CFHR4: variants seen among roughly 807,000 people sequenced by gnomAD.
CFHR4 encodes the protein complement factor H related 4, also known as complement factor H-related protein 4.
Under a neutral mutation model 69.3 loss-of-function variants are expected in CFHR4, and 64 were observed. The ratio of observed to expected loss-of-function variants is 0.92; its 90% CI spans 0.76 to 1.14. The LOEUF is 1.14. CFHR4 is among the 50% of genes most tolerant of loss of function. The pLI, the probability that CFHR4 is intolerant of heterozygous loss-of-function variation, is 0.00. For missense variants in CFHR4, 636 were observed against 684.9 expected, an observed-to-expected ratio of 0.93 and a Z score of 0.80; for synonymous variants, 244 against 237.0, an observed-to-expected ratio of 1.03 and a Z score of -0.27.
intron 1 of CFHR4, among the ~76,000 whole-genome samples, chr1:196,899,301 C>T (rs888082364): frequency 3.3e-5 from 5 of 151,044 alleles, no homozygotes; most frequent in African/African-American, 9.8e-5. Flanking sequence ...AATGTTCTTT[C>T]CTCTTCTTTT....
intron 9 of CFHR4, among the ~76,000 whole-genome samples, chr1:196,915,445 G>C (rs1264895560): frequency 6.6e-6 from 1 of 151,324 alleles, no homozygotes; most frequent in African/African-American, 2.4e-5. Context: ...AGATCAGCCT[G>C]ACCAACATGG....
In CFHR4 at chr1:196,902,602, G is replaced by C; in HGVS notation, c.243G>C (p.Thr81=). ...IHCTQDGWSP[T]VPCLRTCSKS... ...GCACACAAGATGGTTGGTCACCAAC[G>C]GTCCCATGCCTCAGTAAGTAAACCT... is the stretch of plus-strand genomic sequence containing the variant. The change falls in exon 2 of 10, where the codon ACG becomes ACC. Residue 81 remains threonine (T), a synonymous_variant. Transcript: ENST00000608469. 3 of 1,610,036 alleles carry C rather than the reference G, an allele frequency of 1.9e-6. No individual in the cohort carries two copies. The highest frequency in any genetic ancestry group is 1.7e-6 in the Non-Finnish European group (2 of 1,177,472).
chr1:196,905,357 T>C, intron 3 of CFHR4, 67 bp downstream of exon 3: 1 of 1,580,690 alleles, frequency 6.3e-7, no homozygotes, highest in Non-Finnish European at 8.6e-7. Flanking sequence ...GTGATAGTGT[T>C]TTACAGAAAA....
chr1:196,913,034 A>G (rs760207874), intron 7 of CFHR4, 112 bp downstream of exon 7: 4 of 1,552,920 alleles, frequency 2.6e-6, no homozygotes, highest in Non-Finnish European at 3.5e-6. Context: ...AAGAGATACA[A>G]ATACTTCTAA....
chr1:196,908,778 C>T (rs771753759), intron 5 of CFHR4, among the ~76,000 whole-genome samples: 1 of 151,564 alleles, frequency 6.6e-6, no homozygotes, highest in Non-Finnish European at 1.5e-5. Context: ...AGCTCTTAAA[C>T]TGTAAACTCA....
At chr1:196,912,695 G>T (rs192437982) in intron 6 of CFHR4, 45 bp from the exon 7 acceptor site, 4 of 1,478,786 alleles carry the variant, frequency 2.7e-6, no homozygotes, top group Middle Eastern at 2.3e-4. Context: ...TATAAAAGAA[G>T]TATTCAACAA....
intron 1 of CFHR4, among the ~76,000 whole-genome samples, chr1:196,894,453 C>T (rs1026200461): frequency 3.3e-5 from 5 of 151,462 alleles, no homozygotes; most frequent in South Asian, 2.1e-4. Context: ...TCACTTTACC[C>T]TTCAGGACTC....
chr1:196,910,150 T>TAAAA, intron 5 of CFHR4, 131 bp from the exon 6 acceptor site: 5 of 422,708 alleles, frequency 1.2e-5, no homozygotes, highest in Non-Finnish European at 1.5e-5. Context: ...AAATTTCATC[T>TAAAA]AAAAAAAAAA....
intron 1 of CFHR4, among the ~76,000 whole-genome samples, chr1:196,894,132 G>A (rs1657166267): frequency 6.6e-6 from 1 of 151,388 alleles, no homozygotes; most frequent in African/African-American, 2.4e-5. Flanking sequence ...CTTTTCCGTT[G>A]TTAATGTCAC....
chr1:196,898,538 A>T (rs892988796), intron 1 of CFHR4, among the ~76,000 whole-genome samples: 2 of 151,618 alleles, frequency 1.3e-5, no homozygotes, highest in Non-Finnish European at 2.9e-5. Context: ...GTGTATATGA[A>T]TAGATATTTC....
chr1:196,908,386 G>A (rs1658030369), intron 5 of CFHR4, among the ~76,000 whole-genome samples: 1 of 151,484 alleles, frequency 6.6e-6, no homozygotes, highest in Admixed American at 6.6e-5. Flanking sequence ...AGTTAACACT[G>A]AGAAGTTCTT....
At chr1:196,898,275 A>C (rs1657415800) in intron 1 of CFHR4, among the ~76,000 whole-genome samples, 1 of 151,588 alleles carries the variant, frequency 6.6e-6, no homozygotes, top group East Asian at 1.9e-4. Flanking sequence ...ATGCACTAGT[A>C]GTGGGTGGGT....
chr1:196,892,362 G>A (rs1393534548), intron 1 of CFHR4, among the ~76,000 whole-genome samples: 1 of 151,546 alleles, frequency 6.6e-6, no homozygotes, highest in Non-Finnish European at 1.5e-5. Flanking sequence ...GAAGAAAATG[G>A]TTGAGAGAAG....
intron 1 of CFHR4, among the ~76,000 whole-genome samples, chr1:196,890,432 T>G (rs1225592274): frequency 5.3e-5 from 8 of 151,624 alleles, no homozygotes; most frequent in African/African-American, 1.9e-4. Flanking sequence ...TGACAGAAAA[T>G]TAGTAATTGT....
chr1:196,909,317 G>GA (rs752296889), intron 5 of CFHR4, among the ~76,000 whole-genome samples: 7 of 151,414 alleles, frequency 4.6e-5, no homozygotes, highest in Non-Finnish European at 8.8e-5. Context: ...CATTCAAGCA[G>GA]GGAATTCTAG....
chr1:196,905,977 G>A (rs1207102065), intron 3 of CFHR4, among the ~76,000 whole-genome samples: 1 of 151,402 alleles, frequency 6.6e-6, no homozygotes, highest in Non-Finnish European at 1.5e-5. Context: ...CCTTGCAGTG[G>A]CAAAAGTTTA....
rs1020346334 is a variant in CFHR4 at position 196,898,359 on chromosome 1, T to C, written c.59-4059T>C. 1.2e-4 allele frequency among the ~76,000 whole-genome samples: 18 copies of C among 151,542 alleles called. 1 individual carries two copies. The highest frequency in any genetic ancestry group is 6.2e-4 in the South Asian group (3 of 4,816). ...TTACATTTAAAATCTGAAATTACTT[T>C]CTCTTAAACACAAAAAAAGGGGAGA... On this transcript the variant is annotated intron_variant, in intron 1 of 9. Coordinates refer to ENST00000608469, the MANE Select transcript of CFHR4 (RefSeq NM_001201550.3).
chr1:196,909,160 T>C (rs1347408680), intron 5 of CFHR4, among the ~76,000 whole-genome samples: 1 of 151,494 alleles, frequency 6.6e-6, no homozygotes, highest in Non-Finnish European at 1.5e-5. Context: ...ACTGAGGAGA[T>C]GGACACTCCT....
chr1:196,912,045 AT>A (rs1457247625), intron 6 of CFHR4, among the ~76,000 whole-genome samples: 10 of 151,542 alleles, frequency 6.6e-5, no homozygotes, highest in South Asian at 2.1e-4. Flanking sequence ...CATTACTAAT[AT>A]CTTAAAACAT....
Sources: gnomAD v4.1 joint callset for allele counts (sites outside exome capture counted in the v4.1 genomes callset) on GRCh38, gnomAD v4.1.1 for gene constraint, MANE v1.5 for transcripts, NCBI Gene and HGNC (gene_info 2026-07-23, HGNC 2026-07-21) for gene names.